The following SMOC1 variants were observed in gnomAD, a reference collection of about 807,000 sequenced individuals.
The protein encoded by SMOC1 is SPARC-related modular calcium-binding protein 1.
Under a neutral mutation model 56.3 loss-of-function variants are expected in SMOC1, and 22 were observed. That is an observed-to-expected ratio of 0.39 (90% CI 0.28 to 0.56). SMOC1 has a LOEUF of 0.56. Ranked by LOEUF, SMOC1 falls within the 20% of genes least tolerant of loss-of-function variation. SMOC1 has a pLI of 0.61. For missense variants in SMOC1, 509 were observed against 565.4 expected (o/e 0.90, Z 1.01); for synonymous variants, 193 against 215.0 (o/e 0.90, Z 0.89).
chr14:69,920,708 T>C (rs1403435302), intron 1 of SMOC1, among the ~76,000 whole-genome samples: 1 of 152,050 alleles, frequency 6.6e-6, no homozygotes, highest in African/African-American at 2.4e-5. Flanking sequence ...AAAATAAAAC[T>C]TTACGTGGGA....
chr14:69,961,879 A>T (rs1242276908), intron 3 of SMOC1, among the ~76,000 whole-genome samples: 1 of 152,218 alleles, frequency 6.6e-6, no homozygotes, highest in South Asian at 2.1e-4. Flanking sequence ...CCGGCAATGT[A>T]TGAAGGTTCC....
At chr14:69,980,221 G>T (rs1056923073) in intron 5 of SMOC1, among the ~76,000 whole-genome samples, 25 of 152,164 alleles carry the variant, frequency 1.6e-4, no homozygotes, top group African/African-American at 6.0e-4. Flanking sequence ...TTCCTCCAGG[G>T]GCGATGCAGG....
chr14:69,931,384 C>T (rs553692390), intron 1 of SMOC1, among the ~76,000 whole-genome samples: 5 of 152,360 alleles, frequency 3.3e-5, no homozygotes, highest in Admixed American at 6.5e-5. Context: ...CAGCTCCACT[C>T]GCTGTCGTCC....
chr14:69,904,533 G>A (rs1387524720), intron 1 of SMOC1, among the ~76,000 whole-genome samples: 1 of 152,220 alleles, frequency 6.6e-6, no homozygotes, highest in East Asian at 1.9e-4. Flanking sequence ...GCATTCCTCA[G>A]CCTTGTTGTA....
chr14:70,027,045 C>G (rs998469035), intron 11 of SMOC1, among the ~76,000 whole-genome samples: 1 of 152,032 alleles, frequency 6.6e-6, no homozygotes, highest in African/African-American at 2.4e-5. Flanking sequence ...AGACTTAAAG[C>G]CTATGCAGAG....
intron 7 of SMOC1, among the ~76,000 whole-genome samples, chr14:69,996,101 C>CT (rs1253716769): frequency 2.0e-5 from 3 of 152,138 alleles, no homozygotes; most frequent in African/African-American, 7.2e-5. Context: ...ACATACAGCA[C>CT]TTTTTTGGCT....
At chr14:69,892,181 C>T (rs1042996951) in intron 1 of SMOC1, among the ~76,000 whole-genome samples, 1 of 152,132 alleles carries the variant, frequency 6.6e-6, no homozygotes, top group Non-Finnish European at 1.5e-5. Flanking sequence ...AGGCCTTCTA[C>T]TAAGATTATA....
intron 1 of SMOC1, among the ~76,000 whole-genome samples, chr14:69,926,409 G>T (rs559791020): frequency 3.3e-4 from 51 of 152,344 alleles, no homozygotes; most frequent in African/African-American, 1.2e-3. Context: ...TTAGGCCATG[G>T]GGCGGGACAG....
intron 1 of SMOC1, among the ~76,000 whole-genome samples, chr14:69,930,710 G>A (rs1885144320): frequency 6.6e-6 from 1 of 152,214 alleles, no homozygotes; most frequent in Admixed American, 6.5e-5. Flanking sequence ...GACCTTGAGA[G>A]CCTGGCCAGC....
At chr14:70,007,233 A>G (rs796932534) in intron 7 of SMOC1, among the ~76,000 whole-genome samples, 2 of 152,210 alleles carry the variant, frequency 1.3e-5, no homozygotes, top group South Asian at 2.1e-4. Context: ...TTTCTGTTCA[A>G]TGAGGATAAC....
At chr14:69,945,769 G>C (rs1298847041) in intron 1 of SMOC1, among the ~76,000 whole-genome samples, 2 of 152,166 alleles carry the variant, frequency 1.3e-5, no homozygotes, top group Non-Finnish European at 2.9e-5. Context: ...TGTGATTTTT[G>C]AGTATGGTAT....
intron 3 of SMOC1, among the ~76,000 whole-genome samples, chr14:69,955,989 C>G (rs1594822035): frequency 1.3e-5 from 2 of 152,310 alleles, no homozygotes; most frequent in East Asian, 3.9e-4. Context: ...TGGCTGACCC[C>G]TGCCCTCCTG....
chr14:69,920,687 A>G (rs772735139), intron 1 of SMOC1, among the ~76,000 whole-genome samples: 5 of 152,310 alleles, frequency 3.3e-5, no homozygotes, highest in Non-Finnish European at 1.5e-5. Flanking sequence ...CAATAAAATA[A>G]TCATGCAAAT....
chr14:69,976,849 A>T (rs935829918), intron 4 of SMOC1, among the ~76,000 whole-genome samples: 1 of 152,264 alleles, frequency 6.6e-6, no homozygotes, highest in African/African-American at 2.4e-5. Flanking sequence ...CAGTCTTGCT[A>T]TCATAGCTTT....
Position 69,879,465 on chromosome 14 carries a change from G to T in SMOC1, c.-214G>T, listed in dbSNP as rs945733882. ...GGCCCCGCCGAGCGGAGCTAGCGCC[G>T]CGCGCAGAGCACACGCTCGCGCTCC... is the stretch of plus-strand genomic sequence containing the variant. On this transcript the variant is annotated 5_prime_UTR_variant, in exon 1 of 12. Coordinates refer to ENST00000361956, the MANE Select transcript of SMOC1 (RefSeq NM_001034852.3). 3.0e-5 allele frequency: 12 copies of T among 403,314 alleles called. 2 individuals carry two copies. The highest frequency in any genetic ancestry group is 1.4e-4 in the Admixed American group (3 of 21,636). 25.0% of individuals were successfully genotyped at this position (403,314 alleles called of 1,614,324 possible).
At chr14:70,026,705 C>A (rs1885938844) in intron 11 of SMOC1, among the ~76,000 whole-genome samples, 1 of 152,140 alleles carries the variant, frequency 6.6e-6, no homozygotes, top group African/African-American at 2.4e-5. Context: ...GAAAGTCTGG[C>A]CAGAAAGCCC....
intron 3 of SMOC1, among the ~76,000 whole-genome samples, chr14:69,969,365 C>T (rs531664123): frequency 2.4e-4 from 36 of 152,216 alleles, no homozygotes; most frequent in African/African-American, 8.7e-4. Flanking sequence ...GGCATCTACT[C>T]CGCTTCTGGA....
At chr14:69,889,817 G>A (rs114478330) in intron 1 of SMOC1, among the ~76,000 whole-genome samples, 1,947 of 152,116 alleles carry the variant, frequency 0.013, 42 homozygotes, top group African/African-American at 0.044. Flanking sequence ...TGCATTCCTC[G>A]GCTTGTGGCC....
rs571107766 is a variant in SMOC1 at position 69,942,312 on chromosome 14, G to A, written c.100-9826G>A. On this transcript the variant is annotated intron_variant, in intron 1 of 11. Transcript: ENST00000361956. Reference sequence around the variant, plus strand: ...ATTAAAGGGGGTGGGCAGAGAAATCGCCAGAAACTTCTCTGAGTGCCTATG... The same window carrying A: ...ATTAAAGGGGGTGGGCAGAGAAATCACCAGAAACTTCTCTGAGTGCCTATG... Among the ~76,000 whole-genome samples, 9 of 152,134 alleles carry A rather than the reference G, an allele frequency of 5.9e-5. No homozygotes were observed. In the East Asian group the frequency reaches 1.3e-3, roughly 23 times the overall value.
Sources: allele counts gnomAD v4.1 joint callset (sites outside exome capture counted in the v4.1 genomes callset), GRCh38; gene constraint gnomAD v4.1.1; transcripts MANE v1.5; gene names NCBI Gene and HGNC (gene_info 2026-07-23, HGNC 2026-07-21).